Variants in EPHA6 observed in about 807,000 individuals in gnomAD.
The protein encoded by EPHA6 is ephrin type-A receptor 6.
In EPHA6, 50 loss-of-function variants were observed where a neutral mutation model predicts 112.0. The ratio of observed to expected loss-of-function variants is 0.45; its 90% CI spans 0.36 to 0.56. EPHA6 has a LOEUF of 0.56. Ranked by LOEUF, EPHA6 falls within the 20% of genes least tolerant of loss-of-function variation. The probability of loss-of-function intolerance (pLI) is 0.00; values close to 1 mark genes in which losing one functional copy is unlikely to be tolerated. For synonymous variants in EPHA6, 529 were observed against 490.7 expected (o/e 1.08, Z -1.03); for missense variants, 1,280 against 1,417.4 (o/e 0.90, Z 1.56).
intron 5 of EPHA6, among the ~76,000 whole-genome samples, chr3:97,303,269 T>G (rs1312144624): frequency 6.6e-6 from 1 of 151,910 alleles, no homozygotes; most frequent in Admixed American, 6.6e-5. Context: ...GACAAAAATG[T>G]GAAATCTCTC....
At chr3:97,060,770 A>G (rs1184419385) in intron 3 of EPHA6, among the ~76,000 whole-genome samples, 1 of 151,176 alleles carries the variant, frequency 6.6e-6, no homozygotes, top group East Asian at 1.9e-4. Flanking sequence ...AAAAAATAAT[A>G]ATAATTAGCC....
intron 2 of EPHA6, among the ~76,000 whole-genome samples, chr3:96,938,513 G>C (rs555409631): frequency 1.3e-5 from 2 of 152,270 alleles, no homozygotes; most frequent in Admixed American, 1.3e-4. Flanking sequence ...TTTGTGCTGA[G>C]ACAATGGGAT....
intron 6 of EPHA6, among the ~76,000 whole-genome samples, chr3:97,426,820 A>C (rs937791408): frequency 2.6e-5 from 4 of 152,206 alleles, no homozygotes; most frequent in Non-Finnish European, 4.4e-5. Context: ...AATATCTAGA[A>C]TCTATAAGGA....
intron 6 of EPHA6, among the ~76,000 whole-genome samples, chr3:97,419,075 C>T (rs1204871590): frequency 4.6e-5 from 7 of 151,758 alleles, no homozygotes; most frequent in African/African-American, 1.4e-4. Context: ...CAAGCCAAGG[C>T]GGGCGAATCA....
At chr3:97,325,439 A>G (rs1360273559) in intron 5 of EPHA6, among the ~76,000 whole-genome samples, 1 of 152,096 alleles carries the variant, frequency 6.6e-6, no homozygotes, top group Non-Finnish European at 1.5e-5. Context: ...TAAGGACAGC[A>G]GTGACATTGG....
At chr3:97,569,617 G>A (rs1310214694) in intron 11 of EPHA6, among the ~76,000 whole-genome samples, 1 of 152,088 alleles carries the variant, frequency 6.6e-6, no homozygotes, top group Admixed American at 6.6e-5. Flanking sequence ...GTATTGTGAA[G>A]AGTAAATGAG....
At chr3:97,241,772 T>G (rs35271685) in intron 4 of EPHA6, among the ~76,000 whole-genome samples, 6 of 140,804 alleles carry the variant, frequency 4.3e-5, no homozygotes, top group East Asian at 2.0e-4. Context: ...TTTTTTTTTG[T>G]TTTTTTTTTT....
At position 97,735,988 on chromosome 3, in the gene EPHA6, C is replaced by T. The variant is rs1434326726; in HGVS notation, c.2998C>T (p.His1000Tyr). Residue 1000 changes from histidine to tyrosine, a missense_variant, in exon 16 of 18, where the codon CAC becomes TAC. Transcript: ENST00000389672. ...PAPMGCPASL[H>Y]QLMLHCWQKE... Reference sequence around the variant, plus strand: ...TCCCATGGGCTGTCCAGCATCTCTACACCAGCTGATGCTCCACTGCTGGCA... The same window carrying T: ...TCCCATGGGCTGTCCAGCATCTCTATACCAGCTGATGCTCCACTGCTGGCA... 6.2e-7 allele frequency: 1 copy of T among 1,612,622 alleles called. No homozygotes were observed.
At chr3:97,742,437 C>G (rs949931469) in intron 16 of EPHA6, among the ~76,000 whole-genome samples, 3 of 152,104 alleles carry the variant, frequency 2.0e-5, no homozygotes, top group Non-Finnish European at 4.4e-5. Context: ...ATCTGTTCCT[C>G]TTAATGTTCA....
intron 6 of EPHA6, among the ~76,000 whole-genome samples, chr3:97,407,136 T>C (rs1423073700): frequency 1.3e-5 from 2 of 152,054 alleles, no homozygotes; most frequent in Admixed American, 6.6e-5. Flanking sequence ...ACAGATGTAA[T>C]AGAAAGAGAA....
At chr3:97,609,974 C>G (rs1029480065) in intron 12 of EPHA6, among the ~76,000 whole-genome samples, 3 of 151,508 alleles carry the variant, frequency 2.0e-5, no homozygotes, top group Admixed American at 2.0e-4. Context: ...AGAACAAATG[C>G]ATTCACTTCT....
At chr3:97,566,071 G>C (rs1426164415) in intron 11 of EPHA6, among the ~76,000 whole-genome samples, 1 of 151,622 alleles carries the variant, frequency 6.6e-6, no homozygotes. Flanking sequence ...TTCTGCGACT[G>C]TACAAGCATG....
intron 3 of EPHA6, among the ~76,000 whole-genome samples, chr3:97,130,155 A>G (rs956642787): frequency 6.6e-6 from 1 of 152,166 alleles, no homozygotes; most frequent in Non-Finnish European, 1.5e-5. Context: ...GTGACAGTAC[A>G]TGGAACTATT....
chr3:96,959,875 T>C (rs2041896677), intron 2 of EPHA6, among the ~76,000 whole-genome samples: 1 of 151,952 alleles, frequency 6.6e-6, no homozygotes, highest in Admixed American at 6.6e-5. Flanking sequence ...TTTGAAGTAT[T>C]TGAAAGTTTC....
chr3:97,695,513 C>T (rs988625455), intron 14 of EPHA6, among the ~76,000 whole-genome samples: 8 of 152,222 alleles, frequency 5.3e-5, no homozygotes, highest in Non-Finnish European at 1.2e-4. Context: ...GTAAGACCAC[C>T]GGTTATGCTA....
intron 3 of EPHA6, among the ~76,000 whole-genome samples, chr3:97,198,593 T>G (rs1205325135): frequency 6.6e-6 from 1 of 152,152 alleles, no homozygotes; most frequent in Non-Finnish European, 1.5e-5. Context: ...AGTGAGCTCC[T>G]CGCTTTGGCC....
chr3:97,118,903 C>A (rs2047967415), intron 3 of EPHA6, among the ~76,000 whole-genome samples: 1 of 151,958 alleles, frequency 6.6e-6, no homozygotes, highest in South Asian at 2.1e-4. Flanking sequence ...TCGATACCAT[C>A]TCTTCAAATG....
intron 15 of EPHA6, among the ~76,000 whole-genome samples, chr3:97,728,508 T>TA (rs1336986652): frequency 2.0e-5 from 3 of 152,126 alleles, no homozygotes; most frequent in Non-Finnish European, 2.9e-5. Context: ...GAGGTCCATC[T>TA]AAGCACTTGG....
At chr3:97,040,253 T>C (rs1183244793) in intron 3 of EPHA6, among the ~76,000 whole-genome samples, 3 of 151,946 alleles carry the variant, frequency 2.0e-5, no homozygotes, top group Non-Finnish European at 4.4e-5. Flanking sequence ...TTAGATACTT[T>C]CCCTGTGTGT....
Sources: allele counts gnomAD v4.1 joint callset (sites outside exome capture counted in the v4.1 genomes callset), GRCh38; gene constraint gnomAD v4.1.1; transcripts MANE v1.5; gene names NCBI Gene and HGNC (gene_info 2026-07-23, HGNC 2026-07-21).